CFAP54: variants seen among roughly 807,000 people sequenced by gnomAD.
The protein encoded by CFAP54 is cilia and flagella associated protein 54.
Under a neutral mutation model 370.4 loss-of-function variants are expected in CFAP54, and 290 were observed. The ratio of observed to expected loss-of-function variants is 0.78; its 90% CI spans 0.71 to 0.86. The LOEUF (loss-of-function observed/expected upper bound fraction) is 0.86. Among genes scored for constraint, CFAP54 ranks in the 40% least tolerant of loss-of-function variants. CFAP54 has a pLI of 0.00. For synonymous variants in CFAP54, 1,206 were observed against 1,236.5 expected (o/e 0.98, Z 0.52); for missense variants, 3,399 against 3,528.7 (o/e 0.96, Z 0.93).
At chr12:96,718,984 G>GT (rs1473775464) in intron 49 of CFAP54, among the ~76,000 whole-genome samples, 2 of 151,816 alleles carry the variant, frequency 1.3e-5, no homozygotes, top group Non-Finnish European at 2.9e-5. Flanking sequence ...GTTGCAGTGA[G>GT]TCAATATCAC....
At chr12:96,542,571 A>G (rs1372428319) in intron 14 of CFAP54, among the ~76,000 whole-genome samples, 2 of 152,010 alleles carry the variant, frequency 1.3e-5, no homozygotes. Flanking sequence ...TTTCAATCTC[A>G]TTTCATCTCT....
chr12:96,750,338 A>G (rs939452173), intron 55 of CFAP54, among the ~76,000 whole-genome samples: 4 of 152,212 alleles, frequency 2.6e-5, no homozygotes, highest in Non-Finnish European at 5.9e-5. Context: ...ATATTGGATT[A>G]GATTGGGAAA....
intron 66 of CFAP54, among the ~76,000 whole-genome samples, chr12:96,848,342 G>T (rs886443906): frequency 6.6e-6 from 1 of 152,126 alleles, no homozygotes; most frequent in African/African-American, 2.4e-5. Context: ...TCCAAAATGC[G>T]TTACAGGCGT....
At chr12:96,751,493 G>A (rs1958182479) in intron 55 of CFAP54, among the ~76,000 whole-genome samples, 1 of 151,968 alleles carries the variant, frequency 6.6e-6, no homozygotes, top group African/African-American at 2.4e-5. Context: ...AATATAAACT[G>A]TATAGTACTA....
intron 39 of CFAP54, among the ~76,000 whole-genome samples, chr12:96,671,768 A>G (rs1957148986): frequency 1.3e-5 from 2 of 152,084 alleles, no homozygotes; most frequent in African/African-American, 4.8e-5. Context: ...CTAAAAATAT[A>G]AAACTTAGCT....
At chr12:96,614,176 G>A (rs2136457929) in intron 26 of CFAP54, among the ~76,000 whole-genome samples, 1 of 152,182 alleles carries the variant, frequency 6.6e-6, no homozygotes, top group South Asian at 2.1e-4. Context: ...TGATCAAGGG[G>A]GCTTCATCCC....
intron 66 of CFAP54, among the ~76,000 whole-genome samples, chr12:96,853,360 T>C (rs1463438713): frequency 6.6e-6 from 1 of 152,154 alleles, no homozygotes; most frequent in Non-Finnish European, 1.5e-5. Context: ...AATACATATA[T>C]ATACACACCT....
intron 29 of CFAP54, 34 bp downstream of exon 29, chr12:96,625,841 C>T (rs1030038191): frequency 7.3e-6 from 10 of 1,367,348 alleles, no homozygotes; most frequent in Middle Eastern, 1.8e-4. Flanking sequence ...GCTGTTCACT[C>T]GATTTATCAC....
chr12:96,557,581 A>G (rs559977096), intron 17 of CFAP54, among the ~76,000 whole-genome samples: 2 of 152,244 alleles, frequency 1.3e-5, no homozygotes, highest in Admixed American at 6.5e-5. Context: ...TGATATATTC[A>G]TGTAAGGGAA....
At chr12:96,704,271 C>T (rs984932838) in intron 46 of CFAP54, among the ~76,000 whole-genome samples, 2 of 151,056 alleles carry the variant, frequency 1.3e-5, no homozygotes, top group Non-Finnish European at 3.0e-5. Context: ...ACTAAAAATA[C>T]AAAAATTTAG....
chr12:96,732,193 T>G (rs376686322), intron 50 of CFAP54, among the ~76,000 whole-genome samples: 4 of 152,124 alleles, frequency 2.6e-5, no homozygotes, highest in African/African-American at 9.7e-5. Flanking sequence ...TAGCAGGATC[T>G]CAGCTCACCG....
At chr12:96,832,726 T>A (rs1188744111) in intron 66 of CFAP54, among the ~76,000 whole-genome samples, 1 of 152,196 alleles carries the variant, frequency 6.6e-6, no homozygotes, top group East Asian at 1.9e-4. Flanking sequence ...GGACAAATGT[T>A]AAAGGTAGTA....
intron 48 of CFAP54, among the ~76,000 whole-genome samples, chr12:96,709,520 G>T (rs1277695936): frequency 6.6e-6 from 1 of 151,962 alleles, no homozygotes; most frequent in Non-Finnish European, 1.5e-5. Flanking sequence ...TCTATTCTTA[G>T]TTTGTCAAGT....
At chr12:96,767,484 T>C (rs1390383167) in intron 60 of CFAP54, among the ~76,000 whole-genome samples, 1 of 152,234 alleles carries the variant, frequency 6.6e-6, no homozygotes. Context: ...TTCCATTTTA[T>C]ACCATTAGCC....
intron 25 of CFAP54, among the ~76,000 whole-genome samples, chr12:96,598,338 C>T (rs1160877327): frequency 1.3e-5 from 2 of 151,986 alleles, no homozygotes; most frequent in African/African-American, 2.4e-5. Flanking sequence ...TTTTCAAATA[C>T]ATGTCACATT....
intron 48 of CFAP54, among the ~76,000 whole-genome samples, chr12:96,710,541 G>A (rs1957598999): frequency 6.6e-6 from 1 of 152,132 alleles, no homozygotes; most frequent in African/African-American, 2.4e-5. Flanking sequence ...GGAGGTGGTG[G>A]GGGCATGGGC....
intron 20 of CFAP54, among the ~76,000 whole-genome samples, chr12:96,577,808 C>G (rs373536828): frequency 4.6e-5 from 7 of 152,254 alleles, no homozygotes; most frequent in African/African-American, 1.7e-4. Context: ...AGCCTGTAAT[C>G]CCAGTACTTT....
chr12:96,663,544 T>C (rs534122467), intron 38 of CFAP54, among the ~76,000 whole-genome samples: 1 of 152,318 alleles, frequency 6.6e-6, no homozygotes, highest in South Asian at 2.1e-4. Flanking sequence ...AAGATATATT[T>C]AGACCAGTGA....
chr12:96,623,730 G>A (rs1390679937), intron 27 of CFAP54, 37 bp from the exon 28 acceptor site: 6 of 1,086,360 alleles, frequency 5.5e-6, no homozygotes, highest in African/African-American at 3.1e-5. Flanking sequence ...GTTGCAACAC[G>A]TTAAAGTACA....
Sources: allele counts gnomAD v4.1 joint callset (sites outside exome capture counted in the v4.1 genomes callset), GRCh38; gene constraint gnomAD v4.1.1; transcripts MANE v1.5; gene names NCBI Gene and HGNC (gene_info 2026-07-23, HGNC 2026-07-21).